Variants in ACTR8 observed in about 807,000 individuals in gnomAD.
ACTR8 encodes actin related protein 8.
ACTR8 carries 70 observed loss-of-function variants against 84.3 expected under a neutral mutation model. The observed-to-expected ratio is 0.83, with a 90% CI of 0.68 to 1.01. The LOEUF (loss-of-function observed/expected upper bound fraction) is 1.01. Ranked by LOEUF, ACTR8 falls within the 50% of genes least tolerant of loss-of-function variation. ACTR8 has a pLI of 0.00. For synonymous variants in ACTR8, 268 were observed against 275.2 expected (o/e 0.97, Z 0.26); for missense variants, 672 against 775.4 (o/e 0.87, Z 1.58).
In ACTR8 at chr3:53,871,344, G is replaced by T. The variant is rs556990155; in HGVS notation, c.1455C>A (p.Asn485Lys). ...SAQGDGLMAGNDSEEALTALM... is the reference protein window; with the variant it reads ...SAQGDGLMAGKDSEEALTALM... ...GTGCAGTGAGGGCCTCCTCGGAATC[G>T]TTGCCGGCCATCAGGCCATCTCCCT... Residue 485 changes from asparagine (N) to lysine (K), a missense_variant, in exon 11 of 13, where the codon AAC becomes AAA. Transcript: ENST00000335754. 2 of 1,614,124 alleles carry T rather than the reference G, an allele frequency of 1.2e-6. No individual in the cohort carries two copies. The highest frequency in any genetic ancestry group is 1.7e-6 in the Non-Finnish European group (2 of 1,180,048).
At position 53,872,506 on chromosome 3, in the gene ACTR8, A is replaced by T. The variant is rs1339924347; in HGVS notation, c.1180T>A (p.Tyr394Asn). ...EKLQAPMALFYPATFGIVGQK... is the reference protein window; with the variant it reads ...EKLQAPMALFNPATFGIVGQK... ...CCAACGATTCCAAAAGTTGCGGGGT[A>T]AAACAAAGCCATTGGAGCCTGTACA... Residue 394 changes from tyrosine (Y) to asparagine (N), a missense_variant, in exon 10 of 13, where the codon TAC becomes AAC. Coordinates refer to ENST00000335754, the MANE Select transcript of ACTR8 (RefSeq NM_022899.5). 1 of 1,609,332 alleles carries T rather than the reference A, an allele frequency of 6.2e-7. No homozygotes were observed. The highest frequency in any genetic ancestry group is 8.5e-7 in the Non-Finnish European group (1 of 1,178,528).
chr3:53,870,306 A>C lies in ACTR8; in HGVS notation c.1568-161T>G. ...GCCAGGGGAACCCTACGAAACACAA[A>C]TGTAGGCATGTTGCCACGCCACCGC... On this transcript the variant is annotated intron_variant, in intron 11 of 12. Coordinates refer to ENST00000335754, the MANE Select transcript of ACTR8 (RefSeq NM_022899.5). The surrounding 1 kb of genome is among the most constrained non-coding windows in gnomAD (Gnocchi z 4.1). 13 of 751,188 alleles carry C rather than the reference A, an allele frequency of 1.7e-5. No individual in the cohort carries two copies. The highest frequency in any genetic ancestry group is 2.4e-5 in the Non-Finnish European group (11 of 463,746). The allele number at this position is 751,188 out of a possible 1,614,324, so 46.5% of individuals were successfully genotyped here.
downstream of ACTR8, among the ~76,000 whole-genome samples, chr3:53,864,296 G>T (rs191159180): frequency 6.6e-6 from 1 of 152,276 alleles, no homozygotes; most frequent in East Asian, 1.9e-4. Flanking sequence ...CAGCACTCTG[G>T]GAGGCCCAGG....
chr3:53,876,184 G>T, intron 6 of ACTR8, 104 bp from the exon 7 acceptor site: 1 of 1,361,172 alleles, frequency 7.3e-7, no homozygotes, highest in Non-Finnish European at 1.0e-6. Flanking sequence ...CCTCTGGGCA[G>T]GGCATCTGAG....
intron 9 of ACTR8, 151 bp downstream of exon 9, chr3:53,872,881 A>G (rs1699908425): frequency 3.1e-6 from 2 of 646,792 alleles, no homozygotes; most frequent in Non-Finnish European, 5.3e-6. Context: ...ATTCTAGTCT[A>G]TACCAGTGGC....
At chr3:53,881,814 T>G (rs1700066117) in intron 1 of ACTR8, 165 bp downstream of exon 1, 2 of 1,184,306 alleles carry the variant, frequency 1.7e-6, no homozygotes, top group Admixed American at 4.6e-5. Flanking sequence ...GCCCTCGGCG[T>G]CCCGGCGCGC....
In ACTR8 at chr3:53,868,367, G is replaced by A. The variant is rs1273199996; in HGVS notation, c.*352C>T. 3 of 200,436 alleles carry A rather than the reference G, an allele frequency of 1.5e-5. No individual in the cohort carries two copies. Among genetic ancestry groups the A allele is most frequent in the Non-Finnish European group, 3.0e-5 (3 of 99,466 alleles). 12.4% of individuals were successfully genotyped at this position (200,436 alleles called of 1,614,324 possible). On this transcript the variant is annotated 3_prime_UTR_variant, in exon 13 of 13. Transcript: ENST00000335754. Reference sequence around the variant, plus strand: ...CACATACTATCCCTCATGGTTGCATGAGGCTGCCTGCTGATGAGATTCAAG... The same window carrying A: ...CACATACTATCCCTCATGGTTGCATAAGGCTGCCTGCTGATGAGATTCAAG...
intron 1 of ACTR8, among the ~76,000 whole-genome samples, chr3:53,880,967 A>G (rs1356170714): frequency 1.3e-5 from 2 of 152,146 alleles, no homozygotes; most frequent in South Asian, 2.1e-4. Flanking sequence ...CTGTTGTCCT[A>G]TCTCCAAGTG....
chr3:53,872,274 C>A, intron 10 of ACTR8, 110 bp downstream of exon 10: 1 of 1,187,532 alleles, frequency 8.4e-7, no homozygotes, highest in Non-Finnish European at 1.1e-6. Flanking sequence ...AAAGCTATAT[C>A]AGTGTTATTA....
rs760935551 is a variant in ACTR8 at position 53,871,408 on chromosome 3, T to C, written c.1391A>G (p.Glu464Gly). The part of the protein sequence containing the change: ...DLRGQSSDLP[E>G]RLHSQEVDLG... ...ATCTACCTCCTGGGAATGGAGTCTT[T>C]CTGGAAGATCAGAGGACTGGCCACG... is the stretch of plus-strand genomic sequence containing the variant. The change falls in exon 11 of 13, where the codon GAA (glutamate) becomes GGA (glycine). Residue 464 changes from glutamate (E) to glycine (G), a missense_variant. Physicochemically the swap from Glu to Gly is moderately conservative, Grantham distance 98. Coordinates refer to ENST00000335754, the MANE Select transcript of ACTR8 (RefSeq NM_022899.5). 1 of 1,614,238 alleles carries C rather than the reference T, an allele frequency of 6.2e-7. No individual in the cohort carries two copies. The highest frequency in any genetic ancestry group is 8.5e-7 in the Non-Finnish European group (1 of 1,180,046).
At chr3:53,876,140 A>T in intron 6 of ACTR8, 60 bp from the exon 7 acceptor site, 1 of 1,593,730 alleles carries the variant, frequency 6.3e-7, no homozygotes, top group Non-Finnish European at 8.6e-7. Context: ...AAGATCCCAA[A>T]ACAGATAATC....
rs773746804 is a variant in ACTR8, at chr3:53,870,390, C to T, written c.1568-245G>A. ...AAAGGAGGCCGAGCATGGTGGCTCACGCCTGTAATCCCAGCACTTTGGGAG... is the reference window on the plus strand; with the variant it reads ...AAAGGAGGCCGAGCATGGTGGCTCATGCCTGTAATCCCAGCACTTTGGGAG... On this transcript the variant is annotated intron_variant, in intron 11 of 12. Coordinates refer to ENST00000335754, the MANE Select transcript of ACTR8 (RefSeq NM_022899.5). The surrounding 1 kb of genome is among the most constrained non-coding windows in gnomAD (Gnocchi z 4.1). The T allele has an allele frequency of 3.8e-5, 18 of 478,234 alleles. No homozygotes were observed. Among genetic ancestry groups the T allele is most frequent in the African/African-American group, 5.8e-5 (3 of 51,764 alleles). 29.6% of individuals were successfully genotyped at this position (478,234 alleles called of 1,614,324 possible).
At chr3:53,868,980 C>A in intron 12 of ACTR8, 118 bp from the exon 13 acceptor site, 1 of 1,365,310 alleles carries the variant, frequency 7.3e-7, no homozygotes, top group Non-Finnish European at 9.9e-7. Flanking sequence ...GCCAGGCTTT[C>A]ACCCTGTATT....
the ACTR8 span, chr3:53,861,653 A>G: frequency 4.6e-5 from 7 of 152,244 alleles, no homozygotes. Context: ...GGAGAATTTA[A>G]TGCCAGTAAA....
chr3:53,860,298 T>C, the ACTR8 span: 4 of 1,299,588 alleles, frequency 3.1e-6, no homozygotes, highest in Admixed American at 7.6e-5. Context: ...TTAAAGAAGA[T>C]TCCTCTGGAG....
the ACTR8 span, chr3:53,860,181 TG>T: frequency 6.2e-7 from 1 of 1,614,132 alleles, no homozygotes; most frequent in East Asian, 2.2e-5. Flanking sequence ...TCTCTGCTGG[TG>T]GCCACATGGG....
intron 1 of ACTR8, chr3:53,881,689 A>C: frequency 2.0e-6 from 1 of 504,926 alleles, no homozygotes. Context: ...TGGTCGGGGA[A>C]GCTGAGGCCA....
chr3:53,875,651 A>G (rs1224341291), intron 7 of ACTR8, among the ~76,000 whole-genome samples: 1 of 152,256 alleles, frequency 6.6e-6, no homozygotes, highest in Non-Finnish European at 1.5e-5. Context: ...AACCACAGCT[A>G]AAGACACGAA....
chr3:53,865,209 G>A (rs1386628431), downstream of ACTR8: 3 of 1,613,888 alleles, frequency 1.9e-6, no homozygotes, highest in Non-Finnish European at 2.5e-6. Flanking sequence ...ACCTCATGAA[G>A]GATGCCACTG....
Sources: gnomAD v4.1 joint callset for allele counts (sites outside exome capture counted in the v4.1 genomes callset) on GRCh38, gnomAD v4.1.1 for gene constraint, Gnocchi (gnomAD v3.1) non-coding constraint, MANE v1.5 for transcripts, NCBI Gene and HGNC (gene_info 2026-07-23, HGNC 2026-07-21) for gene names.